The following MALRD1 variants were observed in gnomAD, a reference collection of about 807,000 sequenced individuals.
MALRD1 encodes the protein MAM and LDL-receptor class A domain-containing protein 1.
A neutral mutation model predicts 242.1 loss-of-function variants in MALRD1; 247 were observed. That is an observed-to-expected ratio of 1.02 (90% CI 0.92 to 1.13). MALRD1 has a LOEUF of 1.13. Among genes scored for constraint, MALRD1 ranks in the 50% most tolerant of loss-of-function variants. MALRD1 has a pLI of 0.00. For synonymous variants in MALRD1, 995 were observed against 866.6 expected (o/e 1.15, Z -2.60); for missense variants, 2,989 against 2,533.1 (o/e 1.18, Z -3.86).
intron 19 of MALRD1, among the ~76,000 whole-genome samples, chr10:19,268,406 A>G (rs1840054907): frequency 1.3e-5 from 2 of 152,166 alleles, no homozygotes; most frequent in African/African-American, 4.8e-5. Flanking sequence ...TAGTTCTTTC[A>G]GCTTGTGAGT....
intron 31 of MALRD1, among the ~76,000 whole-genome samples, chr10:19,500,872 A>T (rs948299251): frequency 2.6e-5 from 4 of 152,098 alleles, no homozygotes; most frequent in Admixed American, 6.5e-5. Context: ...GGTCCTGTGG[A>T]TGCATCAGTG....
chr10:19,401,194 C>T (rs1002695419), intron 28 of MALRD1, among the ~76,000 whole-genome samples: 1 of 151,932 alleles, frequency 6.6e-6, no homozygotes, highest in Non-Finnish European at 1.5e-5. Flanking sequence ...TTTATTCTAC[C>T]CTCTACAGTC....
At chr10:19,684,519 G>A (rs1232431857) in intron 36 of MALRD1, among the ~76,000 whole-genome samples, 1 of 152,174 alleles carries the variant, frequency 6.6e-6, no homozygotes, top group Non-Finnish European at 1.5e-5. Context: ...ACTTGGGGAG[G>A]CTGGGGCAGA....
intron 14 of MALRD1, among the ~76,000 whole-genome samples, chr10:19,200,149 A>G (rs1022233042): frequency 2.0e-5 from 3 of 152,136 alleles, no homozygotes; most frequent in African/African-American, 2.4e-5. Flanking sequence ...AAAATAAAAC[A>G]GGGACAATAA....
At chr10:19,139,159 G>A (rs1274561963) in intron 10 of MALRD1, among the ~76,000 whole-genome samples, 1 of 152,096 alleles carries the variant, frequency 6.6e-6, no homozygotes, top group Non-Finnish European at 1.5e-5. Flanking sequence ...ATACAATTAT[G>A]TATGCTGTGA....
chr10:19,665,689 T>G (rs1157089344), intron 36 of MALRD1, among the ~76,000 whole-genome samples: 1 of 152,076 alleles, frequency 6.6e-6, no homozygotes, highest in East Asian at 1.9e-4. Context: ...AACTTAAACA[T>G]TAACTTCTCT....
chr10:19,377,345 C>A (rs552310413), intron 26 of MALRD1, among the ~76,000 whole-genome samples: 42 of 152,140 alleles, frequency 2.8e-4, no homozygotes, highest in Non-Finnish European at 4.9e-4. Flanking sequence ...ACTAAAGAAA[C>A]TAACATTTTC....
intron 1 of MALRD1, among the ~76,000 whole-genome samples, chr10:19,064,071 C>A (rs1395534308): frequency 6.6e-6 from 1 of 152,090 alleles, no homozygotes; most frequent in Non-Finnish European, 1.5e-5. Flanking sequence ...TGGAACCCAA[C>A]TCAGGAGATA....
chr10:19,450,151 A>G (rs745922851), intron 28 of MALRD1, among the ~76,000 whole-genome samples, 156 bp from the exon 29 acceptor site: 21 of 152,196 alleles, frequency 1.4e-4, no homozygotes, highest in Non-Finnish European at 2.2e-4. Context: ...GAATGACTCA[A>G]TTTGTAAGAT....
intron 21 of MALRD1, among the ~76,000 whole-genome samples, chr10:19,320,122 T>C (rs1842862219): frequency 6.8e-6 from 1 of 147,726 alleles, no homozygotes. Context: ...GTTACATAGG[T>C]ATACATGTGC....
At chr10:19,698,123 C>G (rs991320440) in intron 38 of MALRD1, among the ~76,000 whole-genome samples, 3 of 152,220 alleles carry the variant, frequency 2.0e-5, no homozygotes, top group Admixed American at 2.0e-4. Context: ...ATTTCTCTAA[C>G]TACTTTGACC....
intron 23 of MALRD1, among the ~76,000 whole-genome samples, chr10:19,328,891 C>T (rs979937642): frequency 9.2e-5 from 14 of 152,010 alleles, no homozygotes; most frequent in East Asian, 5.8e-4. Flanking sequence ...TAAACTGAGG[C>T]GAGAAGAAAT....
At chr10:19,338,504 CT>C (rs964745913) in intron 24 of MALRD1, among the ~76,000 whole-genome samples, 12 of 146,172 alleles carry the variant, frequency 8.2e-5, no homozygotes, top group African/African-American at 3.0e-4. Context: ...ATGTCTCAGA[CT>C]TTTGTAAAAC....
intron 24 of MALRD1, among the ~76,000 whole-genome samples, chr10:19,346,258 A>G (rs368644413): frequency 6.6e-6 from 1 of 152,200 alleles, no homozygotes; most frequent in South Asian, 2.1e-4. Flanking sequence ...GGACATTCTT[A>G]AAGAGTCATA....
chr10:19,047,714 G>A (rs1463066760), upstream of MALRD1, among the ~76,000 whole-genome samples: 9 of 152,190 alleles, frequency 5.9e-5, no homozygotes, highest in East Asian at 1.7e-3. Context: ...AGGCAGAATT[G>A]TGGATTCCTG....
At chr10:19,290,443 GGT>G (rs1485565987) in intron 21 of MALRD1, 1 of 152,020 alleles carries the variant, frequency 6.6e-6, no homozygotes, top group Non-Finnish European at 1.5e-5. Context: ...TTGTAATCAA[GGT>G]ATATGGAAAT....
At chr10:19,530,118 T>C (rs1412695318) in intron 31 of MALRD1, among the ~76,000 whole-genome samples, 1 of 151,226 alleles carries the variant, frequency 6.6e-6, no homozygotes, top group Non-Finnish European at 1.5e-5. Flanking sequence ...AGTGTGTCAA[T>C]ATTGGCTCAT....
rs575965577 is a variant in MALRD1, at chr10:19,080,741, T to C, written c.341-7099T>C. Among the ~76,000 whole-genome samples, 14 of 151,980 alleles carry C rather than the reference T, an allele frequency of 9.2e-5. 1 individual carries two copies. The South Asian group carries it at 2.9e-3, about 32-fold the overall frequency. ...TTCATGATGAAAGCACTGAAAGCAA[T>C]AGCACCAAAAGCAAAAAATGACAAA... On this transcript the variant is annotated intron_variant, in intron 2 of 39. Transcript: ENST00000454679.
chr10:19,478,415 T>C (rs1836839796), intron 29 of MALRD1, among the ~76,000 whole-genome samples: 1 of 152,188 alleles, frequency 6.6e-6, no homozygotes, highest in Non-Finnish European at 1.5e-5. Flanking sequence ...GAGCAATCTG[T>C]GCACTCCCCT....
Sources: allele counts gnomAD v4.1 joint callset (sites outside exome capture counted in the v4.1 genomes callset), GRCh38; gene constraint gnomAD v4.1.1; transcripts MANE v1.5; gene names NCBI Gene and HGNC (gene_info 2026-07-23, HGNC 2026-07-21).